The following LTA4H variants were observed in gnomAD, a reference collection of about 807,000 sequenced individuals.
LTA4H encodes leukotriene A-4 hydrolase.
LTA4H carries 59 observed loss-of-function variants against 89.8 expected under a neutral mutation model. The observed-to-expected ratio is 0.66, with a 90% confidence interval of 0.53 to 0.82. The LOEUF (loss-of-function observed/expected upper bound fraction) is 0.82. Ranked by LOEUF, LTA4H falls within the 40% of genes least tolerant of loss-of-function variation. LTA4H has a pLI of 0.00. For synonymous variants in LTA4H, 227 were observed against 253.1 expected (o/e 0.90, Z 0.98); for missense variants, 617 against 727.0 (o/e 0.85, Z 1.74).
chr12:96,038,227 A>G (rs1190017326), upstream of LTA4H, among the ~76,000 whole-genome samples: 1 of 152,206 alleles, frequency 6.6e-6, no homozygotes, highest in Non-Finnish European at 1.5e-5. Context: ...AGCTCCAGCA[A>G]CAACAACAAA....
At position 96,027,382 on chromosome 12, in the gene LTA4H, CTTCATTCA is replaced by C. The variant is rs1950523868; in HGVS notation, c.411+54_411+61del. 2.7e-6 allele frequency: 4 copies of C among 1,482,254 alleles called. No individual in the cohort carries two copies. In the East Asian group the frequency reaches 9.6e-5, roughly 36 times the overall value. 91.8% of individuals were successfully genotyped at this position (1,482,254 alleles called of 1,614,324 possible). On this transcript the variant is annotated intron_variant, in intron 3 of 18. Transcript: ENST00000228740. ...ATCCATAAAACCACTGTTCATTTTGCTTCATTCAACCATAGGTGCTGAAATTTTCTGCA... is the reference window on the plus strand; with the variant it reads ...ATCCATAAAACCACTGTTCATTTTGCACCATAGGTGCTGAAATTTTCTGCA...
intron 3 of LTA4H, among the ~76,000 whole-genome samples, chr12:96,024,827 C>T (rs1461514254): frequency 2.0e-5 from 3 of 152,076 alleles, no homozygotes; most frequent in African/African-American, 7.2e-5. Flanking sequence ...TACCACCACG[C>T]CCAGCTAATT....
chr12:96,039,733 G>A (rs1437075995), upstream of LTA4H, among the ~76,000 whole-genome samples: 2 of 152,196 alleles, frequency 1.3e-5, no homozygotes, highest in Non-Finnish European at 2.9e-5. Context: ...GCATTTACGG[G>A]AAATTTCAAT....
intron 14 of LTA4H, 71 bp from the exon 15 acceptor site, chr12:96,009,219 TA>T: frequency 2.0e-6 from 2 of 981,962 alleles, no homozygotes; most frequent in Admixed American, 4.1e-5. Context: ...AAAGCTACAG[TA>T]CATACTTAAA....
intron 1 of LTA4H, among the ~76,000 whole-genome samples, chr12:96,034,901 G>T (rs985616132): frequency 6.6e-6 from 1 of 152,240 alleles, no homozygotes; most frequent in Non-Finnish European, 1.5e-5. Context: ...TGCCCAGGGG[G>T]CTGGGAAAAG....
chr12:96,007,422 A>G (rs1950219931), intron 15 of LTA4H, among the ~76,000 whole-genome samples: 1 of 152,198 alleles, frequency 6.6e-6, no homozygotes, highest in African/African-American at 2.4e-5. Context: ...GGTAACCTGG[A>G]TGGGTCAGCA....
intron 16 of LTA4H, among the ~76,000 whole-genome samples, chr12:96,004,164 G>C (rs1950157054): frequency 6.6e-6 from 1 of 152,162 alleles, no homozygotes; most frequent in Non-Finnish European, 1.5e-5. Context: ...CATTAAATGA[G>C]AATTGCTCTT....
chr12:96,013,711 T>C (rs753758486), intron 13 of LTA4H, 39 bp downstream of exon 13: 1 of 1,024,572 alleles, frequency 9.8e-7, no homozygotes, highest in Non-Finnish European at 1.5e-6. Context: ...AATAGAGATA[T>C]ATCGAGCATG....
chr12:96,026,207 T>C (rs1383945575), intron 3 of LTA4H, among the ~76,000 whole-genome samples: 1 of 152,186 alleles, frequency 6.6e-6, no homozygotes, highest in Non-Finnish European at 1.5e-5. Flanking sequence ...TTAGGTGACA[T>C]GGCAACACCA....
chr12:96,008,027 A>G (rs1306458763), intron 15 of LTA4H, among the ~76,000 whole-genome samples: 1 of 152,180 alleles, frequency 6.6e-6, no homozygotes, highest in Non-Finnish European at 1.5e-5. Context: ...CATGGACATA[A>G]AAGTGGCAAC....
chr12:96,020,905 G>T, intron 6 of LTA4H, 180 bp downstream of exon 6: 1 of 547,588 alleles, frequency 1.8e-6, no homozygotes, highest in Non-Finnish European at 3.2e-6. Flanking sequence ...GGGGTAACTG[G>T]TCAAGATTTT....
rs757400632 is a variant in LTA4H at position 96,006,410 on chromosome 12, C to T, written c.1435-1G>A. ...ATGAATTTAAATCATCTTCTTTGGC[C>T]TGAAATAAATGTTACCTAGTTATTT... On this transcript the variant is annotated splice_acceptor_variant, in intron 15 of 18. Transcript: ENST00000228740. LOFTEE classifies it high-confidence loss of function. The T allele has an allele frequency of 6.3e-7, 1 of 1,585,326 alleles. No individual in the cohort carries two copies. Among genetic ancestry groups the T allele is most frequent in the South Asian group, 1.1e-5 (1 of 89,118 alleles).
intron 1 of LTA4H, among the ~76,000 whole-genome samples, chr12:96,034,833 T>C (rs1950618703): frequency 6.6e-6 from 1 of 152,142 alleles, no homozygotes; most frequent in East Asian, 1.9e-4. Context: ...AACCGTGGGA[T>C]CAGGGATCGA....
upstream of LTA4H, among the ~76,000 whole-genome samples, chr12:96,037,024 G>A (rs1469106715): frequency 3.3e-5 from 5 of 152,188 alleles, no homozygotes; most frequent in Non-Finnish European, 5.9e-5. Flanking sequence ...TGAGGGCTCT[G>A]CCCCCGTGAC....
rs1268551249 is a variant in LTA4H at position 96,019,203 on chromosome 12, C to G, written c.676G>C (p.Glu226Gln). ...GPRTLVWSEK[E>Q]QVEKSAYEFS... The stretch of plus-strand genomic sequence containing the variant: ...TCATAAGCAGACTTTTCCACCTGCT[C>G]TTTCTCAGACCACACCAAAGTTCTT... Residue 226 changes from glutamate to glutamine, a missense_variant, in exon 7 of 19, where the codon GAG becomes CAG. By Grantham distance (29) the Glu-to-Gln change is conservative (BLOSUM62 2). Coordinates refer to ENST00000228740, the MANE Select transcript of LTA4H (RefSeq NM_000895.3). The G allele has an allele frequency of 1.2e-6, 2 of 1,613,270 alleles. No individual in the cohort carries two copies. The highest frequency in any genetic ancestry group is 1.1e-5 in the South Asian group (1 of 90,804).
At chr12:96,040,326 C>T (rs1950678556), upstream of LTA4H, among the ~76,000 whole-genome samples, 1 of 152,190 alleles carries the variant, frequency 6.6e-6, no homozygotes, top group African/African-American at 2.4e-5. Context: ...ATACATCTGG[C>T]ATGATAGAGA....
At chr12:96,023,643 T>C (rs572080835) in intron 4 of LTA4H, among the ~76,000 whole-genome samples, 43 of 152,326 alleles carry the variant, frequency 2.8e-4, no homozygotes, top group South Asian at 1.4e-3. Context: ...CCTCATTCTA[T>C]TTGCTTGGTC....
chr12:96,026,501 A>G (rs530496688), intron 3 of LTA4H, among the ~76,000 whole-genome samples: 2 of 152,360 alleles, frequency 1.3e-5, no homozygotes, highest in Non-Finnish European at 2.9e-5. Flanking sequence ...CCTGAAAATC[A>G]GATATTTATG....
intron 9 of LTA4H, 140 bp from the exon 10 acceptor site, chr12:96,017,254 CTTTAA>C: frequency 1.5e-6 from 1 of 659,660 alleles, no homozygotes; most frequent in South Asian, 2.1e-5. Flanking sequence ...TCAGCAAAAT[CTTTAA>C]TTTAACCAAA....
Sources: allele counts gnomAD v4.1 joint callset (sites outside exome capture counted in the v4.1 genomes callset), GRCh38; gene constraint gnomAD v4.1.1; transcripts MANE v1.5; gene names NCBI Gene and HGNC (gene_info 2026-07-23, HGNC 2026-07-21).